Variants in FNDC3A observed in about 807,000 individuals in gnomAD.
FNDC3A encodes fibronectin type-III domain-containing protein 3A.
In FNDC3A, 32 loss-of-function variants were observed where a neutral mutation model predicts 148.9. The observed-to-expected ratio is 0.21, with a 90% CI of 0.16 to 0.29. The LOEUF (loss-of-function observed/expected upper bound fraction) is 0.29, where lower values mean the gene tolerates loss of function less well. FNDC3A is among the 10% of genes least tolerant of loss of function. The probability of loss-of-function intolerance (pLI) is 1.00; values close to 1 mark genes in which losing one functional copy is unlikely to be tolerated. For synonymous variants in FNDC3A, 472 were observed against 473.6 expected, an observed-to-expected ratio of 1.00 and a Z score of 0.04; for missense variants, 1,191 against 1,452.8, an observed-to-expected ratio of 0.82 and a Z score of 2.93.
intron 3 of FNDC3A, among the ~76,000 whole-genome samples, chr13:49,095,755 C>G (rs1255295355): frequency 1.3e-5 from 2 of 152,056 alleles, no homozygotes; most frequent in Non-Finnish European, 2.9e-5. Flanking sequence ...ATTAAGCATT[C>G]TAACCCAGGG....
At chr13:49,008,498 A>C (rs996094138) in intron 2 of FNDC3A, among the ~76,000 whole-genome samples, 1 of 152,150 alleles carries the variant, frequency 6.6e-6, no homozygotes, top group Non-Finnish European at 1.5e-5. Flanking sequence ...TCAAGACGAC[A>C]TATTTTGTCC....
chr13:49,064,978 A>C (rs1221071082), intron 2 of FNDC3A, among the ~76,000 whole-genome samples: 4 of 152,304 alleles, frequency 2.6e-5, no homozygotes, highest in Non-Finnish European at 5.9e-5. Context: ...AAATTGTATG[A>C]GTGAAAAAAT....
intron 2 of FNDC3A, among the ~76,000 whole-genome samples, chr13:49,015,328 TG>T (rs2137624609): frequency 6.6e-6 from 1 of 152,336 alleles, no homozygotes; most frequent in South Asian, 2.1e-4. Flanking sequence ...CCTTGTAAGT[TG>T]GATTCCTAGG....
At position 49,136,618 on chromosome 13, in the gene FNDC3A, C is replaced by G. The variant is rs1273178137; in HGVS notation, c.760+17C>G. 2.5e-6 allele frequency: 4 copies of G among 1,603,340 alleles called. No individual in the cohort carries two copies. Among genetic ancestry groups the G allele is most frequent in the African/African-American group, 2.7e-5 (2 of 74,670 alleles). ...AAATTGAAGGTAACTGTTTGAAGTA[C>G]TGAACTGTTCTCATTGATGCTATTC... On this transcript the variant is annotated intron_variant, in intron 6 of 25. Transcript: ENST00000492622.
At chr13:48,996,345 G>A (rs567863352) in intron 1 of FNDC3A, among the ~76,000 whole-genome samples, 2 of 152,254 alleles carry the variant, frequency 1.3e-5, no homozygotes, top group East Asian at 3.9e-4. Flanking sequence ...TTGGAGTACA[G>A]TCAGCCTTCC....
intron 13 of FNDC3A, among the ~76,000 whole-genome samples, chr13:49,177,328 G>A (rs9568165): frequency 1 from 151,648 of 152,310 alleles, 75,500 homozygotes; most frequent in Middle Eastern, 1. Context: ...TGCTTCCCAA[G>A]GTGTCACAGA....
intron 2 of FNDC3A, among the ~76,000 whole-genome samples, chr13:49,012,038 C>T (rs1952357248): frequency 6.6e-6 from 1 of 152,080 alleles, no homozygotes; most frequent in Non-Finnish European, 1.5e-5. Context: ...TGTTGCTCCA[C>T]AATGATACTT....
At chr13:49,139,122 A>G (rs1371041526) in intron 7 of FNDC3A, among the ~76,000 whole-genome samples, 1 of 152,222 alleles carries the variant, frequency 6.6e-6, no homozygotes, top group Non-Finnish European at 1.5e-5. Flanking sequence ...AGAAATAGGA[A>G]TGATATGATG....
At chr13:49,070,116 T>C (rs1303395921) in intron 2 of FNDC3A, among the ~76,000 whole-genome samples, 2 of 152,148 alleles carry the variant, frequency 1.3e-5, no homozygotes, top group Non-Finnish European at 2.9e-5. Context: ...AAGTAGTGTT[T>C]TTTTAAAATT....
At chr13:49,085,566 G>A (rs1206633764) in intron 3 of FNDC3A, among the ~76,000 whole-genome samples, 1 of 152,158 alleles carries the variant, frequency 6.6e-6, no homozygotes, top group Non-Finnish European at 1.5e-5. Flanking sequence ...TTTATCAGAA[G>A]TTGTGTCTAT....
At chr13:49,005,230 A>C (rs1952199634) in intron 1 of FNDC3A, among the ~76,000 whole-genome samples, 1 of 151,904 alleles carries the variant, frequency 6.6e-6, no homozygotes, top group African/African-American at 2.4e-5. Flanking sequence ...ATTTTAAATA[A>C]ATAACATGAA....
At chr13:49,158,146 C>T (rs1278583727) in intron 8 of FNDC3A, among the ~76,000 whole-genome samples, 1 of 152,186 alleles carries the variant, frequency 6.6e-6, no homozygotes, top group Non-Finnish European at 1.5e-5. Context: ...AGTTTGATCT[C>T]AGACTGCTGT....
At chr13:49,066,395 T>C (rs1877262700) in intron 2 of FNDC3A, among the ~76,000 whole-genome samples, 1 of 152,196 alleles carries the variant, frequency 6.6e-6, no homozygotes, top group Admixed American at 6.5e-5. Flanking sequence ...CTAGATAACC[T>C]AAAGAGTATC....
chr13:49,025,399 C>T (rs1047752968), intron 2 of FNDC3A, among the ~76,000 whole-genome samples: 4 of 152,068 alleles, frequency 2.6e-5, no homozygotes, highest in Non-Finnish European at 5.9e-5. Context: ...CTATTACATT[C>T]TAAAGTAATT....
At chr13:49,050,638 T>C (rs912090984) in intron 2 of FNDC3A, among the ~76,000 whole-genome samples, 2 of 152,228 alleles carry the variant, frequency 1.3e-5, no homozygotes, top group African/African-American at 4.8e-5. Context: ...TAGAATGTTC[T>C]GTAAATACCT....
chr13:48,976,230 A>C (rs1458746874), intron 1 of FNDC3A, 53 bp downstream of exon 1: 1 of 152,302 alleles, frequency 6.6e-6, no homozygotes, highest in East Asian at 1.9e-4. Context: ...GAGCCGTCCC[A>C]ACCCCGTCCC....
chr13:49,132,371 C>G (rs1882086746), intron 5 of FNDC3A, among the ~76,000 whole-genome samples: 1 of 152,126 alleles, frequency 6.6e-6, no homozygotes, highest in Admixed American at 6.5e-5. Flanking sequence ...ATCCTAAACC[C>G]TTCCCCTAGA....
chr13:49,171,252 C>T (rs1389481402), intron 10 of FNDC3A, among the ~76,000 whole-genome samples: 1 of 152,082 alleles, frequency 6.6e-6, no homozygotes. Flanking sequence ...TCCTTGATTG[C>T]CATTTACATA....
chr13:49,136,289 G>A (rs777584930), intron 5 of FNDC3A, 43 bp from the exon 6 acceptor site: 2 of 1,521,028 alleles, frequency 1.3e-6, no homozygotes, highest in South Asian at 1.2e-5. Context: ...AACTTATTTG[G>A]AGAAAGTGAT....
Sources: allele counts gnomAD v4.1 joint callset (sites outside exome capture counted in the v4.1 genomes callset), GRCh38; gene constraint gnomAD v4.1.1; transcripts MANE v1.5; gene names NCBI Gene and HGNC (gene_info 2026-07-23, HGNC 2026-07-21).